The following RXFP1 variants were observed in gnomAD, a reference collection of about 807,000 sequenced individuals.
RXFP1 encodes relaxin family peptide receptor 1.
Under a neutral mutation model 89.8 loss-of-function variants are expected in RXFP1, and 73 were observed. The ratio of observed to expected loss-of-function variants is 0.81; its 90% CI spans 0.67 to 0.99. The LOEUF is 0.99. Ranked by LOEUF, RXFP1 falls within the 50% of genes least tolerant of loss-of-function variation. The probability of loss-of-function intolerance (pLI) is 0.00; values close to 1 mark genes in which losing one functional copy is unlikely to be tolerated. For missense variants in RXFP1, 793 were observed against 895.5 expected (o/e 0.89, Z 1.46); for synonymous variants, 277 against 305.5 (o/e 0.91, Z 0.97).
chr4:158,648,827 T>C (rs367571949), intron 17 of RXFP1, 110 bp downstream of exon 17: 1 of 727,476 alleles, frequency 1.4e-6, no homozygotes. Context: ...GAATTGTACA[T>C]CAGATCCGAG....
chr4:158,522,851 G>A (rs182411651), intron 1 of RXFP1, among the ~76,000 whole-genome samples: 136 of 152,222 alleles, frequency 8.9e-4, no homozygotes, highest in African/African-American at 3.0e-3. Context: ...AAATTAACAA[G>A]CCTTTTTATA....
intron 6 of RXFP1, among the ~76,000 whole-genome samples, chr4:158,611,247 C>A (rs569036619): frequency 6.6e-6 from 1 of 152,172 alleles, no homozygotes; most frequent in East Asian, 1.9e-4. Flanking sequence ...AGTCAGGAAT[C>A]AAACTGTTCG....
chr4:158,537,598 C>CT (rs1745577149), intron 1 of RXFP1, among the ~76,000 whole-genome samples: 2 of 152,290 alleles, frequency 1.3e-5, no homozygotes, highest in South Asian at 4.1e-4. Context: ...AAATACTCTT[C>CT]TAAGTATTTC....
rs1749023747 is a variant in RXFP1, at chr4:158,548,128, G to A, written c.50-24570G>A. On this transcript the variant is annotated intron_variant, in intron 1 of 17. Coordinates refer to ENST00000307765, the MANE Select transcript of RXFP1 (RefSeq NM_021634.4). ...CTAAGGACTTGCTTTATGAATCTGG[G>A]TGCTCCTGTATTGGGTGCACATATA... 3.3e-5 allele frequency among the ~76,000 whole-genome samples: 5 copies of A among 152,234 alleles called. No homozygotes were observed. In the South Asian group the frequency reaches 1.0e-3, roughly 32 times the overall value.
chr4:158,544,187 C>T (rs866596320), intron 1 of RXFP1: 1 of 984,898 alleles, frequency 1.0e-6, no homozygotes, highest in Admixed American at 6.2e-5. Flanking sequence ...TCCAAATGAA[C>T]CGCAAGTCTG....
At chr4:158,603,933 A>G (rs1175099945) in intron 4 of RXFP1, among the ~76,000 whole-genome samples, 1 of 145,858 alleles carries the variant, frequency 6.9e-6, no homozygotes, top group Non-Finnish European at 1.5e-5. Context: ...AATAATACAG[A>G]TATACTATAT....
At chr4:158,610,833 A>G in intron 6 of RXFP1, 5 of 585,928 alleles carry the variant, frequency 8.5e-6, no homozygotes, top group Non-Finnish European at 1.3e-5. Context: ...AAGAGGCTCT[A>G]TCATGGGGTG....
chr4:158,607,544 C>T (rs1762751081), intron 5 of RXFP1, among the ~76,000 whole-genome samples: 2 of 152,084 alleles, frequency 1.3e-5, no homozygotes, highest in East Asian at 1.9e-4. Flanking sequence ...TAACAAGACC[C>T]GTATTAAAAG....
intron 1 of RXFP1, among the ~76,000 whole-genome samples, chr4:158,546,157 G>A (rs1748331151): frequency 6.6e-6 from 1 of 151,926 alleles, no homozygotes; most frequent in Non-Finnish European, 1.5e-5. Flanking sequence ...CCTTGAAGAG[G>A]TCCTTCACAT....
chr4:158,566,448 C>T (rs1753571341), intron 1 of RXFP1, among the ~76,000 whole-genome samples: 1 of 152,144 alleles, frequency 6.6e-6, no homozygotes. Context: ...ACTGCAACCT[C>T]CACCTTCAGG....
rs777846110 is a variant in RXFP1 at position 158,626,820 on chromosome 4, G to A, written c.756G>A (p.Leu252=). ...LCQHMPRLHW[L]DLEGNHIHNL... Reference sequence around the variant, plus strand: ...GTATCGTTTTATTTTTATGTTCCAGGGACCTTGAAGGCAACCATATCCATA... The same window carrying A: ...GTATCGTTTTATTTTTATGTTCCAGAGACCTTGAAGGCAACCATATCCATA... Residue 252 remains leucine, a splice_region_variant and synonymous_variant, in exon 10 of 18, where the codon CTG becomes CTA. Transcript: ENST00000307765. 6.5e-7 allele frequency: 1 copy of A among 1,547,708 alleles called. No homozygotes were observed. The highest frequency in any genetic ancestry group is 8.8e-7 in the Non-Finnish European group (1 of 1,135,944).
rs779896427 is a variant in RXFP1, at chr4:158,652,097, G to A, written c.*42G>A. On this transcript the variant is annotated 3_prime_UTR_variant, in exon 18 of 18. Coordinates refer to ENST00000307765, the MANE Select transcript of RXFP1 (RefSeq NM_021634.4). ...TTTCTTCGCAGAGAATACTGTGGGG[G>A]TGCTTCATGAGGGATTTACTGGTAT... 6.6e-7 allele frequency: 1 copy of A among 1,523,876 alleles called. No homozygotes were observed. The highest frequency in any genetic ancestry group is 8.9e-7 in the Non-Finnish European group (1 of 1,125,928). The allele number at this position is 1,523,876 out of a possible 1,614,324, so 94.4% of individuals were successfully genotyped here.
At position 158,579,044 on chromosome 4, in the gene RXFP1, G is replaced by A. The variant is rs567128640; in HGVS notation, c.187+6209G>A. Among the ~76,000 whole-genome samples the A allele has an allele frequency of 2.0e-5, 3 of 148,982 alleles. No homozygotes were observed. The South Asian group carries it at 6.7e-4, about 33-fold the overall frequency. On this transcript the variant is annotated intron_variant, in intron 2 of 17. Transcript: ENST00000307765. ...ATCCAATGACAGTGTCCTCGCAAGA[G>A]ACAGGAAATGGCATACAGAGATGCT...
rs1438929204 is a variant in RXFP1 at position 158,542,107 on chromosome 4, A to ATTTTT, written c.49+20083_49+20084insTTTTT. On this transcript the variant is annotated intron_variant, in intron 1 of 17. Transcript: ENST00000307765. ...TATATATATATATATATATATATATATATTTTTTTTTTAGTAGAGACAGGG... is the reference window on the plus strand; with the variant it reads ...TATATATATATATATATATATATATATTTTTTATTTTTTTTTTAGTAGAGACAGGG... Among the ~76,000 whole-genome samples, 52 of 28,212 alleles carry ATTTTT rather than the reference A, an allele frequency of 1.8e-3. No homozygotes were observed. The South Asian group carries it at 0.03, about 16-fold the overall frequency. 18.5% of individuals were successfully genotyped at this position (28,212 alleles called of 152,430 possible).
At chr4:158,546,662 G>T (rs564697508) in intron 1 of RXFP1, among the ~76,000 whole-genome samples, 1 of 152,078 alleles carries the variant, frequency 6.6e-6, no homozygotes, top group Non-Finnish European at 1.5e-5. Context: ...TAGCATGAAG[G>T]GTTGTTGAAT....
At chr4:158,625,520 C>T (rs1246744523) in intron 9 of RXFP1, among the ~76,000 whole-genome samples, 1 of 152,086 alleles carries the variant, frequency 6.6e-6, no homozygotes, top group Non-Finnish European at 1.5e-5. Context: ...ATTCTATAGC[C>T]TGACTTCAAA....
chr4:158,545,731 G>C (rs562926249), intron 1 of RXFP1, among the ~76,000 whole-genome samples: 8 of 152,202 alleles, frequency 5.3e-5, no homozygotes, highest in South Asian at 4.1e-4. Flanking sequence ...GCTTGTTTTT[G>C]TCAGGTTTGT....
At chr4:158,576,712 C>T (rs1756291529) in intron 2 of RXFP1, among the ~76,000 whole-genome samples, 1 of 151,932 alleles carries the variant, frequency 6.6e-6, no homozygotes, top group African/African-American at 2.4e-5. Flanking sequence ...TTTAGCTCCT[C>T]TAGGAAAACC....
chr4:158,613,388 G>C (rs1055534398), intron 8 of RXFP1, among the ~76,000 whole-genome samples: 2 of 152,212 alleles, frequency 1.3e-5, no homozygotes, highest in Non-Finnish European at 2.9e-5. Flanking sequence ...TTACCCACAA[G>C]AGAATTTCTT....
Sources: allele counts gnomAD v4.1 joint callset (sites outside exome capture counted in the v4.1 genomes callset), GRCh38; gene constraint gnomAD v4.1.1; transcripts MANE v1.5; gene names NCBI Gene and HGNC (gene_info 2026-07-23, HGNC 2026-07-21).